KDM4C: variants seen among roughly 807,000 people sequenced by gnomAD.
KDM4C encodes the protein lysine demethylase 4C.
KDM4C carries 81 observed loss-of-function variants against 129.3 expected under a neutral mutation model. The ratio of observed to expected loss-of-function variants is 0.63; its 90% CI spans 0.52 to 0.75. The LOEUF (loss-of-function observed/expected upper bound fraction) is 0.75, where lower values mean the gene tolerates loss of function less well. Ranked by LOEUF, KDM4C falls within the 30% of genes least tolerant of loss-of-function variation. The pLI, the probability that KDM4C is intolerant of heterozygous loss-of-function variation, is 0.00. For synonymous variants in KDM4C, 573 were observed against 456.1 expected (o/e 1.26, Z -3.26); for missense variants, 1,457 against 1,304.0 (o/e 1.12, Z -1.81).
intron 8 of KDM4C, among the ~76,000 whole-genome samples, chr9:6,925,973 G>A (rs1336586527): frequency 2.0e-5 from 3 of 152,148 alleles, no homozygotes; most frequent in Non-Finnish European, 4.4e-5. Context: ...AGTGGCTTCC[G>A]TAAAGTACCC....
At chr9:6,890,096 C>T (rs867247488) in intron 7 of KDM4C, among the ~76,000 whole-genome samples, 5 of 152,286 alleles carry the variant, frequency 3.3e-5, no homozygotes, top group Non-Finnish European at 7.4e-5. Context: ...TTCCCCTTTC[C>T]ACCTCAACAC....
chr9:6,814,988 C>G (rs1347760174), intron 4 of KDM4C: 3 of 326,306 alleles, frequency 9.2e-6, no homozygotes, highest in South Asian at 1.5e-4. Flanking sequence ...TCTGGCTGAT[C>G]TTTTCATTAC....
chr9:7,160,544 C>A (rs979632651), intron 19 of KDM4C, among the ~76,000 whole-genome samples: 12 of 152,186 alleles, frequency 7.9e-5, no homozygotes, highest in African/African-American at 2.7e-4. Context: ...GATGTTGATG[C>A]TATTCCCTTC....
intron 18 of KDM4C, among the ~76,000 whole-genome samples, chr9:7,112,218 C>G (rs1333302775): frequency 6.6e-6 from 1 of 152,104 alleles, no homozygotes; most frequent in African/African-American, 2.4e-5. Flanking sequence ...CGGGGGATTC[C>G]TTGAACTCCT....
At chr9:7,101,503 A>G (rs1056719971) in intron 17 of KDM4C, among the ~76,000 whole-genome samples, 2 of 152,208 alleles carry the variant, frequency 1.3e-5, no homozygotes, top group African/African-American at 4.8e-5. Flanking sequence ...CTCTGAATAA[A>G]CATCTTGCAA....
chr9:7,174,469 C>T lies in KDM4C; in HGVS notation c.2995-84C>T, dbSNP rs950417082. On this transcript the variant is annotated intron_variant, in intron 21 of 21. Coordinates refer to ENST00000381309, the MANE Select transcript of KDM4C (RefSeq NM_015061.6). ...TGACCTGGGCATCTGCACCCTAACCCCAGCTGACCGAGTCAGATCTTTGTC... is the reference window on the plus strand; with the variant it reads ...TGACCTGGGCATCTGCACCCTAACCTCAGCTGACCGAGTCAGATCTTTGTC... 6 of 1,371,866 alleles carry T rather than the reference C, an allele frequency of 4.4e-6. No homozygotes were observed. In the African/African-American group the frequency reaches 7.1e-5, roughly 16 times the overall value. 85.0% of individuals were successfully genotyped at this position (1,371,866 alleles called of 1,614,324 possible). A position where few individuals can be genotyped will look rare whatever the true frequency, so the allele number is the denominator to read the frequency against.
At chr9:7,151,433 T>G (rs2130125264) in intron 19 of KDM4C, among the ~76,000 whole-genome samples, 1 of 152,246 alleles carries the variant, frequency 6.6e-6, no homozygotes, top group African/African-American at 2.4e-5. Context: ...GGCTCACACC[T>G]GTAATCCCAG....
intron 15 of KDM4C, among the ~76,000 whole-genome samples, chr9:7,043,828 A>G (rs1288333371): frequency 1.3e-5 from 2 of 152,000 alleles, no homozygotes; most frequent in Admixed American, 6.6e-5. Flanking sequence ...AACTTTGTCA[A>G]CTCACTAAAG....
chr9:7,074,559 G>A (rs1056283211), intron 17 of KDM4C, among the ~76,000 whole-genome samples: 6 of 152,044 alleles, frequency 3.9e-5, no homozygotes, highest in African/African-American at 4.8e-5. Flanking sequence ...GTTTGACCAC[G>A]TTATTTTTCA....
In KDM4C at chr9:7,142,623, T is replaced by G. The variant is rs143964918; in HGVS notation, c.2781+14387T>G. Among the ~76,000 whole-genome samples, 5 of 152,314 alleles carry G rather than the reference T, an allele frequency of 3.3e-5. No individual in the cohort carries two copies. In the East Asian group the frequency reaches 9.6e-4, roughly 29 times the overall value. On this transcript the variant is annotated intron_variant, in intron 19 of 21. Coordinates refer to ENST00000381309, the MANE Select transcript of KDM4C (RefSeq NM_015061.6). Reference sequence around the variant, plus strand: ...AAAGGGAAAGAATAGATGACTAACTTTGGTAGATAAAATGTGTGTGGTTAG... The same window carrying G: ...AAAGGGAAAGAATAGATGACTAACTGTGGTAGATAAAATGTGTGTGGTTAG...
intron 2 of KDM4C, among the ~76,000 whole-genome samples, chr9:6,799,626 G>A (rs1828531509): frequency 6.7e-6 from 1 of 148,590 alleles, no homozygotes; most frequent in African/African-American, 2.5e-5. Flanking sequence ...GACGGGAGAG[G>A]GCTCTTTTTT....
intron 19 of KDM4C, among the ~76,000 whole-genome samples, chr9:7,160,565 T>C (rs2130336588): frequency 6.6e-6 from 1 of 152,316 alleles, no homozygotes; most frequent in East Asian, 1.9e-4. Context: ...CGGTTGTTAG[T>C]TTTCCTTCTA....
chr9:6,951,218 A>G (rs1187436139), intron 8 of KDM4C, among the ~76,000 whole-genome samples: 1 of 152,134 alleles, frequency 6.6e-6, no homozygotes, highest in East Asian at 1.9e-4. Flanking sequence ...GAAATTATAT[A>G]TTTCTATTAA....
chr9:6,976,300 A>G (rs1196707477), intron 8 of KDM4C, among the ~76,000 whole-genome samples: 1 of 152,198 alleles, frequency 6.6e-6, no homozygotes, highest in African/African-American at 2.4e-5. Flanking sequence ...ATAATGAGCA[A>G]TTATGAATTA....
At chr9:7,023,921 C>T (rs1475447555) in intron 15 of KDM4C, among the ~76,000 whole-genome samples, 1 of 152,134 alleles carries the variant, frequency 6.6e-6, no homozygotes, top group Non-Finnish European at 1.5e-5. Context: ...TGTTTCATTT[C>T]CATGTGTTTG....
intron 19 of KDM4C, among the ~76,000 whole-genome samples, chr9:7,146,304 C>A (rs1259321042): frequency 2.0e-5 from 3 of 152,122 alleles, no homozygotes; most frequent in Non-Finnish European, 4.4e-5. Context: ...CTTATAGTTT[C>A]CATATGAACG....
intron 19 of KDM4C, among the ~76,000 whole-genome samples, chr9:7,147,032 A>C (rs922570498): frequency 6.6e-6 from 1 of 152,132 alleles, no homozygotes; most frequent in South Asian, 2.1e-4. Context: ...CTCAATATTC[A>C]CTAGCTGCCA....
chr9:6,778,097 T>C (rs1329891650), intron 1 of KDM4C, among the ~76,000 whole-genome samples: 2 of 150,004 alleles, frequency 1.3e-5, no homozygotes, highest in African/African-American at 2.4e-5. Flanking sequence ...TTTTTCTTTT[T>C]TTTTTTTTTT....
chr9:7,028,135 C>G (rs1012813451), intron 15 of KDM4C, among the ~76,000 whole-genome samples: 15 of 152,082 alleles, frequency 9.9e-5, no homozygotes, highest in African/African-American at 3.1e-4. Flanking sequence ...TACTTTCCCC[C>G]CTACTTTTCT....
Sources: gnomAD v4.1 joint callset for allele counts (sites outside exome capture counted in the v4.1 genomes callset) on GRCh38, gnomAD v4.1.1 for gene constraint, MANE v1.5 for transcripts, NCBI Gene and HGNC (gene_info 2026-07-23, HGNC 2026-07-21) for gene names.